FAM107B: variants seen among roughly 807,000 people sequenced by gnomAD.
The protein encoded by FAM107B is protein FAM107B.
In FAM107B, 21 loss-of-function variants were observed where a neutral mutation model predicts 31.5. The ratio of observed to expected loss-of-function variants is 0.67; its 90% CI spans 0.47 to 0.96. FAM107B has a LOEUF of 0.96. Among genes scored for constraint, FAM107B ranks in the 40% least tolerant of loss-of-function variants. The probability of loss-of-function intolerance (pLI) is 0.00; values close to 1 mark genes in which losing one functional copy is unlikely to be tolerated. For missense variants in FAM107B, 452 were observed against 377.1 expected (o/e 1.20, Z -1.64); for synonymous variants, 157 against 141.5 (o/e 1.11, Z -0.78).
intron 2 of FAM107B, among the ~76,000 whole-genome samples, chr10:14,564,256 A>G (rs1245405441): frequency 1.3e-5 from 2 of 152,160 alleles, no homozygotes; most frequent in African/African-American, 4.8e-5. Context: ...TTTGCTTGTT[A>G]CTGACTTCTG....
At chr10:14,687,176 A>G (rs1855010730) in intron 1 of FAM107B, among the ~76,000 whole-genome samples, 1 of 152,240 alleles carries the variant, frequency 6.6e-6, no homozygotes, top group Admixed American at 6.5e-5. Context: ...AGGCAATGCC[A>G]TCTAATGGAA....
chr10:14,689,487 C>T (rs1373290259), intron 1 of FAM107B, among the ~76,000 whole-genome samples: 1 of 151,832 alleles, frequency 6.6e-6, no homozygotes, highest in Non-Finnish European at 1.5e-5. Flanking sequence ...TACAGCAATG[C>T]ACTCAGGAGT....
At chr10:14,691,142 C>T (rs1855124142) in intron 1 of FAM107B, among the ~76,000 whole-genome samples, 1 of 152,042 alleles carries the variant, frequency 6.6e-6, no homozygotes, top group Non-Finnish European at 1.5e-5. Context: ...TTCAAGTGAT[C>T]CTCTCACCTC....
At chr10:14,686,662 A>G (rs1246067390) in intron 1 of FAM107B, among the ~76,000 whole-genome samples, 1 of 152,218 alleles carries the variant, frequency 6.6e-6, no homozygotes, top group East Asian at 1.9e-4. Flanking sequence ...TGAAGCTGTA[A>G]GTTTAGACTC....
intron 1 of FAM107B, among the ~76,000 whole-genome samples, chr10:14,747,466 G>C (rs1211477843): frequency 3.3e-5 from 5 of 152,156 alleles, no homozygotes; most frequent in African/African-American, 1.2e-4. Context: ...CTTTTGGATG[G>C]AGTTTTGTAA....
intron 2 of FAM107B, among the ~76,000 whole-genome samples, chr10:14,582,621 C>A (rs1362622471): frequency 7.9e-5 from 12 of 151,786 alleles, no homozygotes. Flanking sequence ...TTGTGATCTG[C>A]CCCCCTCGGC....
At chr10:14,772,093 C>T (rs762285600) in intron 1 of FAM107B, among the ~76,000 whole-genome samples, 1 of 152,136 alleles carries the variant, frequency 6.6e-6, no homozygotes, top group Admixed American at 6.5e-5. Flanking sequence ...TGGTGGCTCA[C>T]TCCTGTAATC....
At chr10:14,606,424 G>T (rs4750538) in intron 2 of FAM107B, among the ~76,000 whole-genome samples, 105,498 of 152,040 alleles carry the variant, frequency 0.69, 37,148 homozygotes, top group African/African-American at 0.78. Flanking sequence ...GCCCAGAGTT[G>T]ATGCTTGACA....
At chr10:14,576,631 T>C (rs552568061) in intron 2 of FAM107B, among the ~76,000 whole-genome samples, 56 of 152,330 alleles carry the variant, frequency 3.7e-4, no homozygotes, top group African/African-American at 1.3e-3. Context: ...GTGATATTAG[T>C]AAAACTGGCA....
intron 2 of FAM107B, among the ~76,000 whole-genome samples, chr10:14,573,595 T>C (rs567106223): frequency 1.1e-5 from 1 of 92,974 alleles, no homozygotes; most frequent in African/African-American, 3.4e-5. Context: ...AAAAAAAAAA[T>C]TAGCAGGACA....
chr10:14,588,602 C>T (rs1036942192), intron 2 of FAM107B, among the ~76,000 whole-genome samples: 17 of 152,250 alleles, frequency 1.1e-4, no homozygotes, highest in African/African-American at 4.1e-4. Context: ...GAGAAAAAGA[C>T]AGTCAACCAA....
chr10:14,575,853 T>C (rs1851448346), intron 2 of FAM107B, among the ~76,000 whole-genome samples: 1 of 152,198 alleles, frequency 6.6e-6, no homozygotes. Flanking sequence ...CAGCAAGGGA[T>C]GAAAGAATAA....
chr10:14,684,776 C>T (rs938203669), intron 1 of FAM107B, among the ~76,000 whole-genome samples: 4 of 151,746 alleles, frequency 2.6e-5, no homozygotes, highest in South Asian at 4.2e-4. Context: ...ATTTATAAGG[C>T]GATATTGAAT....
chr10:14,667,745 T>G, intron 1 of FAM107B, 54 bp from the exon 2 acceptor site: 2 of 1,573,370 alleles, frequency 1.3e-6, no homozygotes, highest in South Asian at 1.1e-5. Context: ...AAATATGCAT[T>G]AATGTAAGGC....
chr10:14,682,288 G>C (rs1367132126), intron 1 of FAM107B, among the ~76,000 whole-genome samples: 1 of 152,176 alleles, frequency 6.6e-6, no homozygotes, highest in East Asian at 1.9e-4. Context: ...CAGAACTTTG[G>C]GAGGCCGAGG....
intron 2 of FAM107B, among the ~76,000 whole-genome samples, chr10:14,582,152 A>T (rs1851655830): frequency 6.6e-6 from 1 of 152,188 alleles, no homozygotes; most frequent in African/African-American, 2.4e-5. Context: ...GGGTTACCAA[A>T]GGGATCCAAG....
intron 2 of FAM107B, among the ~76,000 whole-genome samples, chr10:14,597,345 C>T (rs923600032): frequency 6.9e-6 from 1 of 144,196 alleles, no homozygotes; most frequent in East Asian, 2.3e-4. Context: ...TTGGATAAAG[C>T]GTGAGTTTTA....
chr10:14,601,431 T>C (rs1347606034), intron 2 of FAM107B, among the ~76,000 whole-genome samples: 1 of 152,038 alleles, frequency 6.6e-6, no homozygotes, highest in Non-Finnish European at 1.5e-5. Flanking sequence ...AATGGTTTGT[T>C]TCAAGAAGGA....
At chr10:14,600,040 G>A (rs562099208) in intron 2 of FAM107B, among the ~76,000 whole-genome samples, 4 of 152,140 alleles carry the variant, frequency 2.6e-5, no homozygotes, top group South Asian at 4.1e-4. Flanking sequence ...CTCTCTCCCC[G>A]TTTTCCTTCC....
Sources: gnomAD v4.1 joint callset for allele counts (sites outside exome capture counted in the v4.1 genomes callset) on GRCh38, gnomAD v4.1.1 for gene constraint, MANE v1.5 for transcripts, NCBI Gene and HGNC (gene_info 2026-07-23, HGNC 2026-07-21) for gene names.